The following PRIM2 variants were observed in gnomAD, a reference collection of about 807,000 sequenced individuals.
PRIM2 encodes the protein DNA primase subunit 2, also known as DNA primase large subunit.
Under a neutral mutation model 67.3 loss-of-function variants are expected in PRIM2, and 39 were observed. That is an observed-to-expected ratio of 0.58 (90% confidence interval 0.45 to 0.76). The LOEUF is 0.76. Among genes scored for constraint, PRIM2 ranks in the 30% least tolerant of loss-of-function variants. The pLI is 0.00. For missense variants in PRIM2, 398 were observed against 598.7 expected (o/e 0.66, Z 3.50); for synonymous variants, 143 against 198.7 (o/e 0.72, Z 2.36).
chr6:57,488,098 T>C (rs1394161642), intron 7 of PRIM2, among the ~76,000 whole-genome samples: 1 of 152,218 alleles, frequency 6.6e-6, no homozygotes, highest in Non-Finnish European at 1.5e-5. Context: ...CAGGCGTGTC[T>C]GACCTTCAAC....
intron 5 of PRIM2, among the ~76,000 whole-genome samples, chr6:57,360,073 T>C (rs1177962486): frequency 1.3e-5 from 2 of 152,194 alleles, no homozygotes; most frequent in Admixed American, 1.3e-4. Flanking sequence ...CCCTTAGAGT[T>C]TGCCAAAATT....
At chr6:57,398,762 A>G (rs1770607446) in intron 7 of PRIM2, among the ~76,000 whole-genome samples, 1 of 152,122 alleles carries the variant, frequency 6.6e-6, no homozygotes, top group African/African-American at 2.4e-5. Flanking sequence ...GTTTCACAGT[A>G]TTATTTTGTG....
At chr6:57,252,849 A>G in the PRIM2 span, among the ~76,000 whole-genome samples, 2 of 152,192 alleles carry the variant, frequency 1.3e-5, no homozygotes, top group African/African-American at 2.4e-5. Flanking sequence ...TGAACCTCTC[A>G]TTATGGATGC....
At chr6:57,238,266 C>T in the PRIM2 span, among the ~76,000 whole-genome samples, 14 of 148,114 alleles carry the variant, frequency 9.5e-5, no homozygotes, top group South Asian at 2.2e-4. Flanking sequence ...ATACATTCTT[C>T]TCAGCACCAC....
At chr6:57,641,569 T>C (rs1777234083) in intron 13 of PRIM2, among the ~76,000 whole-genome samples, 1 of 152,086 alleles carries the variant, frequency 6.6e-6, no homozygotes, top group African/African-American at 2.4e-5. Flanking sequence ...AAAGTGGGCC[T>C]AGGATATGAA....
chr6:57,321,267 G>A (rs1199100730), intron 3 of PRIM2, among the ~76,000 whole-genome samples: 1 of 152,158 alleles, frequency 6.6e-6, no homozygotes, highest in Non-Finnish European at 1.5e-5. Context: ...AGTGGATGGT[G>A]GTAATATTTT....
chr6:57,581,547 T>G (rs1303106689), intron 10 of PRIM2, among the ~76,000 whole-genome samples: 1 of 152,206 alleles, frequency 6.6e-6, no homozygotes, highest in African/African-American at 2.4e-5. Context: ...GGTGAAAGTT[T>G]TATCATTAAT....
chr6:57,320,318 A>C lies in PRIM2; in HGVS notation c.155-139A>C, dbSNP rs1767610389. ...CTTATAAGCATATGTAGTTTATATG[A>C]TGTCGTTACAGGAAATAAACTGGCA... On this transcript the variant is annotated intron_variant, in intron 2 of 13. Coordinates refer to ENST00000615550, the MANE Select transcript of PRIM2 (RefSeq NM_000947.5). The C allele has an allele frequency of 5.3e-6, 3 of 567,352 alleles. No homozygotes were observed. The East Asian group carries it at 8.8e-5, about 17-fold the overall frequency. 35.1% of individuals were successfully genotyped at this position (567,352 alleles called of 1,614,324 possible).
chr6:57,251,571 A>G, the PRIM2 span, among the ~76,000 whole-genome samples: 7 of 152,196 alleles, frequency 4.6e-5, no homozygotes, highest in Non-Finnish European at 7.4e-5. Context: ...CTTTGGTTCT[A>G]TTAACTGACA....
intron 7 of PRIM2, among the ~76,000 whole-genome samples, chr6:57,470,936 G>A (rs1235731530): frequency 4.6e-5 from 7 of 152,124 alleles, no homozygotes; most frequent in African/African-American, 1.7e-4. Flanking sequence ...GAATGAGTCC[G>A]AATAGTAGAT....
At chr6:57,352,722 T>A (rs1263364895) in intron 5 of PRIM2, among the ~76,000 whole-genome samples, 2 of 122,594 alleles carry the variant, frequency 1.6e-5, no homozygotes, top group Non-Finnish European at 3.8e-5. Context: ...TCTGGCACCG[T>A]TTTTTAGTTT....
At chr6:57,292,609 A>G in the PRIM2 span, among the ~76,000 whole-genome samples, 1 of 152,222 alleles carries the variant, frequency 6.6e-6, no homozygotes, top group Admixed American at 6.5e-5. Context: ...CTAGAAGGCT[A>G]CAGTAACCAA....
chr6:57,416,993 G>A (rs1405284735), intron 7 of PRIM2, among the ~76,000 whole-genome samples: 2 of 148,254 alleles, frequency 1.3e-5, no homozygotes, highest in East Asian at 3.9e-4. Flanking sequence ...TTGAGACAGA[G>A]TCTTGCTCTG....
chr6:57,603,648 TG>T (rs1459159074), intron 11 of PRIM2, among the ~76,000 whole-genome samples: 2 of 151,958 alleles, frequency 1.3e-5, no homozygotes, highest in African/African-American at 4.8e-5. Context: ...TGCTTAGGAT[TG>T]CTTTGGTCAT....
intron 5 of PRIM2, among the ~76,000 whole-genome samples, chr6:57,326,822 A>G (rs920591901): frequency 1.3e-5 from 2 of 151,990 alleles, no homozygotes; most frequent in Non-Finnish European, 2.9e-5. Flanking sequence ...TACATATTGT[A>G]ATTATATAAA....
At chr6:57,359,122 A>G (rs1243474801) in intron 5 of PRIM2, among the ~76,000 whole-genome samples, 1 of 152,224 alleles carries the variant, frequency 6.6e-6, no homozygotes, top group Non-Finnish European at 1.5e-5. Flanking sequence ...CCACCTCTTG[A>G]TGTGAGTGGG....
chr6:57,494,012 G>A (rs1286417370), intron 7 of PRIM2: 1 of 152,134 alleles, frequency 6.6e-6, no homozygotes, highest in Non-Finnish European at 1.5e-5. Flanking sequence ...GTATGTCCAA[G>A]GTCACTTAAA....
intron 7 of PRIM2, among the ~76,000 whole-genome samples, chr6:57,458,688 AAAAG>A (rs1159687317): frequency 9.2e-5 from 14 of 152,134 alleles, no homozygotes; most frequent in African/African-American, 3.4e-4. Context: ...TCTGTCTCAA[AAAAG>A]ACAAACAAAC....
chr6:57,374,830 C>T (rs1769702127), intron 5 of PRIM2, among the ~76,000 whole-genome samples: 1 of 152,198 alleles, frequency 6.6e-6, no homozygotes, highest in Non-Finnish European at 1.5e-5. Context: ...AGGTGGTTCA[C>T]CTGCCTCAGC....
Sources: allele counts gnomAD v4.1 joint callset (sites outside exome capture counted in the v4.1 genomes callset), GRCh38; gene constraint gnomAD v4.1.1; transcripts MANE v1.5; gene names NCBI Gene and HGNC (gene_info 2026-07-23, HGNC 2026-07-21).